The following PRDM6 variants were observed in gnomAD, a reference collection of about 807,000 sequenced individuals.
PRDM6 encodes PR/SET domain 6.
Under a neutral mutation model 60.8 loss-of-function variants are expected in PRDM6, and 25 were observed. The observed-to-expected ratio is 0.41, with a 90% confidence interval of 0.30 to 0.57. The LOEUF (loss-of-function observed/expected upper bound fraction) is 0.57, where lower values mean the gene tolerates loss of function less well. Ranked by LOEUF, PRDM6 falls within the 20% of genes least tolerant of loss-of-function variation. The pLI is 0.27. For synonymous variants in PRDM6, 407 were observed against 357.4 expected, an observed-to-expected ratio of 1.14 and a Z score of -1.57; for missense variants, 839 against 821.3, an observed-to-expected ratio of 1.02 and a Z score of -0.26.
chr5:123,137,649 G>GT lies in PRDM6; in HGVS notation c.901-18235_901-18234insT, dbSNP rs550864565. 2.1e-3 allele frequency among the ~76,000 whole-genome samples: 324 copies of GT among 152,280 alleles called. 1 individual carries two copies. The highest frequency in any genetic ancestry group is 7.4e-3 in the African/African-American group (306 of 41,566). ...CACCCGGGCCTGTCAGGGGGTGGGG[G>GT]GCTAAGGGAAGGATAGCATTAGGAG... On this transcript the variant is annotated intron_variant, in intron 3 of 7. Coordinates refer to ENST00000407847, the MANE Select transcript of PRDM6 (RefSeq NM_001136239.4).
chr5:123,183,509 A>G (rs1399912336), intron 7 of PRDM6, among the ~76,000 whole-genome samples: 1 of 152,210 alleles, frequency 6.6e-6, no homozygotes, highest in Non-Finnish European at 1.5e-5. Context: ...TTCCACTGAA[A>G]GAATCCATCT....
intron 5 of PRDM6, among the ~76,000 whole-genome samples, chr5:123,168,762 C>G (rs2126882498): frequency 6.6e-6 from 1 of 152,362 alleles, no homozygotes; most frequent in Non-Finnish European, 1.5e-5. Flanking sequence ...ACAGTATGGG[C>G]TATGCCGACA....
At chr5:123,183,475 T>C (rs1766212721) in intron 7 of PRDM6, among the ~76,000 whole-genome samples, 1 of 152,216 alleles carries the variant, frequency 6.6e-6, no homozygotes, top group South Asian at 2.1e-4. Flanking sequence ...ATCCAGGCTT[T>C]GCCTCATATC....
chr5:123,136,899 G>A (rs1764969779), intron 3 of PRDM6, among the ~76,000 whole-genome samples: 1 of 152,178 alleles, frequency 6.6e-6, no homozygotes, highest in South Asian at 2.1e-4. Context: ...GGCATCCCAA[G>A]TTTGCATTGT....
At chr5:123,185,587 C>A (rs1239382515) in intron 7 of PRDM6, among the ~76,000 whole-genome samples, 1 of 152,168 alleles carries the variant, frequency 6.6e-6, no homozygotes, top group Non-Finnish European at 1.5e-5. Flanking sequence ...TTGTCAAGAT[C>A]ACAGTGCAGT....
intron 3 of PRDM6, among the ~76,000 whole-genome samples, chr5:123,151,172 T>C (rs1765360871): frequency 1.3e-5 from 2 of 152,126 alleles, no homozygotes; most frequent in Admixed American, 6.5e-5. Flanking sequence ...AGGCTGGCAC[T>C]TCAACACACA....
At chr5:123,173,052 A>G (rs895030001) in intron 6 of PRDM6, among the ~76,000 whole-genome samples, 4 of 152,046 alleles carry the variant, frequency 2.6e-5, no homozygotes, top group African/African-American at 9.7e-5. Context: ...TTAGCCAGGC[A>G]TGGTGGCGGG....
At chr5:123,156,639 G>C (rs1418384364) in intron 4 of PRDM6, among the ~76,000 whole-genome samples, 2 of 152,184 alleles carry the variant, frequency 1.3e-5, no homozygotes, top group Admixed American at 6.5e-5. Context: ...TTCCTGAAAG[G>C]TATGGGCAAA....
At position 123,091,304 on chromosome 5, in the gene PRDM6, G is replaced by A. The variant is rs891638768; in HGVS notation, c.592+698G>A. On this transcript the variant is annotated intron_variant, in intron 2 of 7. Coordinates refer to ENST00000407847, the MANE Select transcript of PRDM6 (RefSeq NM_001136239.4). ...AAAATTTCTGTTCTCCTCCGATTCC[G>A]CTGATCCCGCTTTATCCGCGCACCT... 2.6e-5 allele frequency among the ~76,000 whole-genome samples: 4 copies of A among 152,176 alleles called. 1 individual carries two copies. Among genetic ancestry groups the A allele is most frequent in the African/African-American group, 9.7e-5 (4 of 41,430 alleles).
Position 123,179,641 on chromosome 5 carries a change from G to A in PRDM6, c.1497-506G>A, listed in dbSNP as rs559388027. Among the ~76,000 whole-genome samples the A allele has an allele frequency of 2.6e-4, 39 of 152,204 alleles. No individual in the cohort carries two copies. The South Asian group carries it at 2.7e-3, about 11-fold the overall frequency. ...CCTTAGTATCAAGAGCTTGTGTCCC[G>A]GGAGGACAGTTTATCCTCAGTTTTC... On this transcript the variant is annotated intron_variant, in intron 6 of 7. Coordinates refer to ENST00000407847, the MANE Select transcript of PRDM6 (RefSeq NM_001136239.4).
rs1345753268 is a variant in PRDM6 at position 123,099,185 on chromosome 5, G to A, written c.593-469G>A. 6.6e-6 allele frequency among the ~76,000 whole-genome samples: 1 copy of A among 152,194 alleles called. No individual in the cohort carries two copies. The highest frequency in any genetic ancestry group is 2.4e-5 in the African/African-American group (1 of 41,458). ...AGACAGCAGATTGGGCAAGAGACGGGCTTTTTTTCGCAATACAAGGATAAA... is the reference window on the plus strand; with the variant it reads ...AGACAGCAGATTGGGCAAGAGACGGACTTTTTTTCGCAATACAAGGATAAA... On this transcript the variant is annotated intron_variant, in intron 2 of 7. Coordinates refer to ENST00000407847, the MANE Select transcript of PRDM6 (RefSeq NM_001136239.4). This position sits in a 1 kb window ranked among gnomAD's most constrained non-coding sequence, Gnocchi z 4.0.
chr5:123,142,315 G>A (rs981983565), intron 3 of PRDM6, among the ~76,000 whole-genome samples: 2 of 137,366 alleles, frequency 1.5e-5, no homozygotes, highest in African/African-American at 5.4e-5. Context: ...ATGCAATGGA[G>A]CACATGGAGA....
intron 3 of PRDM6, among the ~76,000 whole-genome samples, chr5:123,140,276 A>G (rs200732584): frequency 1.0e-5 from 1 of 97,842 alleles, no homozygotes; most frequent in African/African-American, 3.3e-5. Flanking sequence ...TTTCTTTCAG[A>G]AAAAAAAAAA....
intron 3 of PRDM6, among the ~76,000 whole-genome samples, chr5:123,125,076 TG>T (rs1554087022): frequency 0.03 from 4,487 of 149,818 alleles, 204 homozygotes; most frequent in African/African-American, 0.1. Context: ...TTTTTTTTTT[TG>T]AATCTTGTGT....
intron 7 of PRDM6, among the ~76,000 whole-genome samples, chr5:123,181,663 T>C (rs1766166041): frequency 6.6e-6 from 1 of 152,180 alleles, no homozygotes; most frequent in Non-Finnish European, 1.5e-5. Flanking sequence ...TAGGACATGA[T>C]CAAGCAAGAG....
intron 3 of PRDM6, among the ~76,000 whole-genome samples, chr5:123,104,072 A>G (rs1194048148): frequency 6.6e-6 from 1 of 152,122 alleles, no homozygotes; most frequent in East Asian, 1.9e-4. Flanking sequence ...GGGGGATAAC[A>G]TAATGTGAGC....
At chr5:123,183,018 T>C (rs989833528) in intron 7 of PRDM6, among the ~76,000 whole-genome samples, 1 of 152,244 alleles carries the variant, frequency 6.6e-6, no homozygotes, top group Non-Finnish European at 1.5e-5. Context: ...ATTCATCCCA[T>C]GGACATTTGT....
At chr5:123,105,782 G>A (rs1040506174) in intron 3 of PRDM6, among the ~76,000 whole-genome samples, 1 of 152,090 alleles carries the variant, frequency 6.6e-6, no homozygotes, top group South Asian at 2.1e-4. Flanking sequence ...TACAGACTTC[G>A]GTATAAGTAC....
intron 3 of PRDM6, among the ~76,000 whole-genome samples, chr5:123,101,819 A>G (rs1405865908): frequency 6.6e-6 from 1 of 152,222 alleles, no homozygotes; most frequent in Non-Finnish European, 1.5e-5. Context: ...TAACACTGAA[A>G]ACTATGAAAC....
Sources: allele counts gnomAD v4.1 joint callset (sites outside exome capture counted in the v4.1 genomes callset), GRCh38; gene constraint gnomAD v4.1.1; non-coding constraint Gnocchi (gnomAD v3.1); transcripts MANE v1.5; gene names NCBI Gene and HGNC (gene_info 2026-07-23, HGNC 2026-07-21).